LGSN: variants seen among roughly 807,000 people sequenced by gnomAD.
The protein encoded by LGSN is lengsin, lens protein with glutamine synthetase domain, also known as lengsin.
A neutral mutation model predicts 19.5 loss-of-function variants in LGSN; 21 were observed. The ratio of observed to expected loss-of-function variants is 1.07; its 90% CI spans 0.76 to 1.55. LGSN has a LOEUF of 1.55. LGSN is among the 40% of genes most tolerant of loss of function. LGSN has a pLI of 0.00. For synonymous variants in LGSN, 257 were observed against 215.6 expected (o/e 1.19, Z -1.68); for missense variants, 673 against 608.5 (o/e 1.11, Z -1.12).
chr6:63,476,836 A>C, the LGSN span, among the ~76,000 whole-genome samples: 1 of 152,238 alleles, frequency 6.6e-6, no homozygotes, highest in East Asian at 1.9e-4. Flanking sequence ...ATTAGATCCA[A>C]TCGTCTAGGA....
At chr6:63,316,565 G>A (rs1051490161) in intron 1 of LGSN, among the ~76,000 whole-genome samples, 1 of 151,996 alleles carries the variant, frequency 6.6e-6, no homozygotes, top group African/African-American at 2.4e-5. Flanking sequence ...AAAAAGTTTT[G>A]TTTTATTTAG....
At chr6:63,561,994 A>G in the LGSN span, among the ~76,000 whole-genome samples, 1 of 152,236 alleles carries the variant, frequency 6.6e-6, no homozygotes, top group African/African-American at 2.4e-5. Context: ...TAAGAGTATC[A>G]TTTTTGGAAA....
chr6:63,510,413 C>T, the LGSN span, among the ~76,000 whole-genome samples: 2 of 148,646 alleles, frequency 1.3e-5, no homozygotes, highest in Non-Finnish European at 1.5e-5. Context: ...CTTGTAAGTT[C>T]TAGTTACCAC....
At chr6:63,473,475 A>G in the LGSN span, among the ~76,000 whole-genome samples, 1,897 of 59,358 alleles carry the variant, frequency 0.032, 28 homozygotes, top group Non-Finnish European at 0.072. Flanking sequence ...CTCTGTCTAA[A>G]AAAAAAAAAA....
At chr6:63,355,734 A>T in the LGSN span, among the ~76,000 whole-genome samples, 1 of 152,136 alleles carries the variant, frequency 6.6e-6, no homozygotes, top group Non-Finnish European at 1.5e-5. Flanking sequence ...GCTGTTGTGC[A>T]ATGGTGCAAT....
the LGSN span, among the ~76,000 whole-genome samples, chr6:63,382,829 T>C: frequency 6.6e-6 from 1 of 152,178 alleles, no homozygotes; most frequent in East Asian, 1.9e-4. Flanking sequence ...GATATAACTG[T>C]ACAACATATA....
At chr6:63,419,846 A>ACTCTAGC in the LGSN span, among the ~76,000 whole-genome samples, 1 of 118,884 alleles carries the variant, frequency 8.4e-6, no homozygotes, top group Non-Finnish European at 1.6e-5. Flanking sequence ...ATACCACCTC[A>ACTCTAGC]CTCTAGCCTG....
chr6:63,464,176 G>T, the LGSN span, among the ~76,000 whole-genome samples: 5 of 151,772 alleles, frequency 3.3e-5, no homozygotes, highest in African/African-American at 1.2e-4. Context: ...AAGAAAAAAT[G>T]TGAGACTATG....
At chr6:63,442,789 C>T in the LGSN span, among the ~76,000 whole-genome samples, 2 of 151,462 alleles carry the variant, frequency 1.3e-5, no homozygotes, top group Admixed American at 6.6e-5. Flanking sequence ...TTGGTGCATC[C>T]ACAAACCCCG....
chr6:63,328,057 A>G, the LGSN span, among the ~76,000 whole-genome samples: 1 of 152,218 alleles, frequency 6.6e-6, no homozygotes, highest in Non-Finnish European at 1.5e-5. Flanking sequence ...TGCTATCTGT[A>G]TACACATTTA....
intron 3 of LGSN, among the ~76,000 whole-genome samples, chr6:63,283,856 G>A (rs1242035925): frequency 6.6e-6 from 1 of 151,752 alleles, no homozygotes; most frequent in Admixed American, 6.6e-5. Flanking sequence ...CCTGCCACCA[G>A]GCCCAGCTAA....
chr6:63,295,049 T>C lies in LGSN; in HGVS notation c.31-4A>G. 1.9e-6 allele frequency: 3 copies of C among 1,612,062 alleles called. No individual in the cohort carries two copies. The highest frequency in any genetic ancestry group is 2.5e-6 in the Non-Finnish European group (3 of 1,178,690). The stretch of plus-strand genomic sequence containing the variant: ...TGCCTTCATCTCTTGTTGAGTCCTG[T>C]TGATAATTAATAAACAAAAAGCCAA... On this transcript the variant is annotated splice_polypyrimidine_tract_variant and splice_region_variant and intron_variant, in intron 1 of 3. Coordinates refer to ENST00000370657, the MANE Select transcript of LGSN (RefSeq NM_016571.3).
At chr6:63,429,402 G>A in the LGSN span, among the ~76,000 whole-genome samples, 1 of 151,890 alleles carries the variant, frequency 6.6e-6, no homozygotes, top group Non-Finnish European at 1.5e-5. Context: ...ATATGAATTG[G>A]ACCAGCCGAA....
intron 1 of LGSN, among the ~76,000 whole-genome samples, chr6:63,305,061 A>G (rs1443099041): frequency 1.3e-5 from 2 of 152,200 alleles, no homozygotes; most frequent in African/African-American, 2.4e-5. Context: ...AGAACAGACC[A>G]AATCAAAACA....
chr6:63,549,973 A>T, the LGSN span, among the ~76,000 whole-genome samples: 1 of 152,226 alleles, frequency 6.6e-6, no homozygotes, highest in Non-Finnish European at 1.5e-5. Flanking sequence ...TTCACAACAT[A>T]AAGAAGTGAT....
chr6:63,567,433 G>A, the LGSN span, among the ~76,000 whole-genome samples: 7 of 152,192 alleles, frequency 4.6e-5, no homozygotes, highest in African/African-American at 1.7e-4. Flanking sequence ...GCATTTCAGT[G>A]ACCATGTGCA....
At chr6:63,452,252 T>C in the LGSN span, among the ~76,000 whole-genome samples, 1 of 152,132 alleles carries the variant, frequency 6.6e-6, no homozygotes, top group Non-Finnish European at 1.5e-5. Context: ...TGTTTGTTTA[T>C]TATTCTTTAT....
the LGSN span, among the ~76,000 whole-genome samples, chr6:63,425,480 G>T: frequency 6.6e-6 from 1 of 152,152 alleles, no homozygotes; most frequent in South Asian, 2.1e-4. Context: ...CAACTTAAAT[G>T]AATCTCCAGA....
chr6:63,365,528 T>C, the LGSN span, among the ~76,000 whole-genome samples: 1 of 152,174 alleles, frequency 6.6e-6, no homozygotes, highest in Non-Finnish European at 1.5e-5. Flanking sequence ...GTTGGTACCA[T>C]TCCTTCTGAA....
Sources: gnomAD v4.1 joint callset for allele counts (sites outside exome capture counted in the v4.1 genomes callset) on GRCh38, gnomAD v4.1.1 for gene constraint, MANE v1.5 for transcripts, NCBI Gene and HGNC (gene_info 2026-07-23, HGNC 2026-07-21) for gene names.